The following GDPD4 variants were observed in gnomAD, a reference collection of about 807,000 sequenced individuals.
The protein encoded by GDPD4 is glycerophosphodiester phosphodiesterase domain containing 4.
Under a neutral mutation model 67.8 loss-of-function variants are expected in GDPD4, and 60 were observed. The observed-to-expected ratio is 0.88, with a 90% CI of 0.72 to 1.10. GDPD4 has a LOEUF of 1.10. Ranked by LOEUF, GDPD4 falls within the 50% of genes least tolerant of loss-of-function variation. The pLI, the probability that GDPD4 is intolerant of heterozygous loss-of-function variation, is 0.00. For missense variants in GDPD4, 623 were observed against 613.9 expected, an observed-to-expected ratio of 1.01 and a Z score of -0.16; for synonymous variants, 212 against 210.9, an observed-to-expected ratio of 1.00 and a Z score of -0.04.
At chr11:77,217,584 A>C (rs1235903856) in intron 16 of GDPD4, among the ~76,000 whole-genome samples, 1 of 152,210 alleles carries the variant, frequency 6.6e-6, no homozygotes, top group Non-Finnish European at 1.5e-5. Context: ...CATTTGCTTA[A>C]AGTTCATGTA....
chr11:77,256,052 C>T (rs1958998276), intron 11 of GDPD4, among the ~76,000 whole-genome samples: 1 of 152,134 alleles, frequency 6.6e-6, no homozygotes, highest in Admixed American at 6.5e-5. Flanking sequence ...GCAATAAGGA[C>T]CACTAAGTTC....
chr11:77,227,803 G>A (rs1958371975), intron 16 of GDPD4, 61 bp downstream of exon 16: 1 of 1,229,644 alleles, frequency 8.1e-7, no homozygotes, highest in Non-Finnish European at 1.2e-6. Context: ...AGCTGCCTCT[G>A]TCTCCTGGAA....
At chr11:77,257,935 T>A (rs868560330) in intron 11 of GDPD4, among the ~76,000 whole-genome samples, 1 of 152,222 alleles carries the variant, frequency 6.6e-6, no homozygotes, top group Non-Finnish European at 1.5e-5. Flanking sequence ...TTTCTTATAC[T>A]AGCCTGTGAA....
intron 16 of GDPD4, among the ~76,000 whole-genome samples, chr11:77,222,600 G>A (rs1230524238): frequency 6.6e-6 from 1 of 152,170 alleles, no homozygotes; most frequent in Non-Finnish European, 1.5e-5. Context: ...TGAGAGATCC[G>A]CTGTTAGTCT....
intron 12 of GDPD4, 29 bp from the exon 13 acceptor site, chr11:77,243,877 T>C (rs1306603842): frequency 1.3e-6 from 2 of 1,576,492 alleles, no homozygotes; most frequent in East Asian, 2.2e-5. Context: ...AGTCCCTCAG[T>C]AGATAATCAG....
chr11:77,275,479 G>A (rs1053932294), intron 5 of GDPD4, among the ~76,000 whole-genome samples: 9 of 152,170 alleles, frequency 5.9e-5, no homozygotes, highest in Non-Finnish European at 1.3e-4. Flanking sequence ...GACAGGCATT[G>A]ACTCCACCAA....
intron 1 of GDPD4, among the ~76,000 whole-genome samples, chr11:77,299,315 C>T (rs369820529): frequency 2.6e-5 from 4 of 152,214 alleles, no homozygotes; most frequent in African/African-American, 9.6e-5. Flanking sequence ...TAGTAGTTAC[C>T]TCACTTCCTT....
At chr11:77,229,320 G>A in intron 14 of GDPD4, 88 bp from the exon 15 acceptor site, 1 of 741,042 alleles carries the variant, frequency 1.3e-6, no homozygotes, top group Non-Finnish European at 2.3e-6. Flanking sequence ...TGCTGCCAGG[G>A]CTGGAGGAGG....
intron 5 of GDPD4, among the ~76,000 whole-genome samples, chr11:77,275,749 C>T (rs1324425331): frequency 6.6e-6 from 1 of 152,076 alleles, no homozygotes. Context: ...GGAGGGGAAA[C>T]ATTTTAAGGT....
chr11:77,275,157 T>C (rs1959399922), intron 5 of GDPD4, among the ~76,000 whole-genome samples: 1 of 152,216 alleles, frequency 6.6e-6, no homozygotes, highest in Non-Finnish European at 1.5e-5. Flanking sequence ...TAGGCATATA[T>C]CAAAATCATC....
At chr11:77,222,237 C>G (rs1026931721) in intron 16 of GDPD4, among the ~76,000 whole-genome samples, 1 of 152,110 alleles carries the variant, frequency 6.6e-6, no homozygotes, top group South Asian at 2.1e-4. Context: ...GGTTAATATT[C>G]TTATCTGTGA....
chr11:77,297,514 C>T (rs917080453), intron 1 of GDPD4, among the ~76,000 whole-genome samples: 6 of 144,212 alleles, frequency 4.2e-5, no homozygotes, highest in African/African-American at 1.6e-4. Flanking sequence ...CCAGCCTGGA[C>T]GACAGAGCGA....
Position 77,291,117 on chromosome 11 carries a change from C to G in GDPD4, c.-253-3697G>C, listed in dbSNP as rs981756512. On this transcript the variant is annotated intron_variant, in intron 1 of 16. Transcript: ENST00000315938. ...ACAATTGCAAAGATAGAGAACCACC[C>G]TAAGTGTCCATTAATGGACAAATGG... Among the ~76,000 whole-genome samples the G allele has an allele frequency of 2.0e-5, 3 of 152,288 alleles. No individual in the cohort carries two copies. In the East Asian group the frequency reaches 5.8e-4, roughly 29 times the overall value.
chr11:77,287,761 T>A (rs534902258), intron 1 of GDPD4, among the ~76,000 whole-genome samples: 1 of 152,196 alleles, frequency 6.6e-6, no homozygotes, highest in African/African-American at 2.4e-5. Context: ...AATATGCTGT[T>A]GAAATAACTT....
At chr11:77,260,404 T>C (rs1959094535) in intron 10 of GDPD4, among the ~76,000 whole-genome samples, 1 of 151,982 alleles carries the variant, frequency 6.6e-6, no homozygotes. Flanking sequence ...AAAAACAAGC[T>C]TCAAAAGAAA....
chr11:77,243,873 T>A (rs1440627607), intron 12 of GDPD4, 25 bp from the exon 13 acceptor site: 1 of 1,589,348 alleles, frequency 6.3e-7, no homozygotes, highest in Non-Finnish European at 8.6e-7. Context: ...AAGAAGTCCC[T>A]CAGTAGATAA....
chr11:77,230,761 CCTA>C (rs1958438980), intron 14 of GDPD4, among the ~76,000 whole-genome samples: 1 of 152,078 alleles, frequency 6.6e-6, no homozygotes, highest in Admixed American at 6.5e-5. Context: ...TATGCAGGCC[CCTA>C]CACAACGTGA....
At chr11:77,227,169 T>C (rs543352646) in intron 16 of GDPD4, among the ~76,000 whole-genome samples, 2 of 152,324 alleles carry the variant, frequency 1.3e-5, no homozygotes, top group Non-Finnish European at 2.9e-5. Context: ...AAAGAAACTC[T>C]AGCATCCCTT....
intron 1 of GDPD4, among the ~76,000 whole-genome samples, chr11:77,299,994 G>T (rs1273690359): frequency 6.6e-6 from 1 of 152,208 alleles, no homozygotes; most frequent in Non-Finnish European, 1.5e-5. Flanking sequence ...TTTGCAATTT[G>T]TAAGTACTAT....
Sources: gnomAD v4.1 joint callset for allele counts (sites outside exome capture counted in the v4.1 genomes callset) on GRCh38, gnomAD v4.1.1 for gene constraint, MANE v1.5 for transcripts, NCBI Gene and HGNC (gene_info 2026-07-23, HGNC 2026-07-21) for gene names.